LYZL4: variants seen among roughly 807,000 people sequenced by gnomAD.
LYZL4 encodes the protein lysozyme like 4, also known as lysozyme-like protein 4.
Under a neutral mutation model 17.6 loss-of-function variants are expected in LYZL4, and 13 were observed. That is an observed-to-expected ratio of 0.74 (90% CI 0.48 to 1.18). The LOEUF is 1.18. LYZL4 is among the 50% of genes most tolerant of loss of function. LYZL4 has a pLI of 0.00. For missense variants in LYZL4, 174 were observed against 188.2 expected (o/e 0.92, Z 0.44); for synonymous variants, 64 against 67.7 (o/e 0.95, Z 0.27).
chr3:42,370,718 C>T, the LYZL4 span, among the ~76,000 whole-genome samples: 39 of 152,326 alleles, frequency 2.6e-4, no homozygotes, highest in East Asian at 2.3e-3. Flanking sequence ...ACTTAGTCAG[C>T]TTTTCTTTCA....
At chr3:42,400,029 C>CAAA (rs1236058964) in intron 4 of LYZL4, among the ~76,000 whole-genome samples, 2 of 150,370 alleles carry the variant, frequency 1.3e-5, no homozygotes, top group South Asian at 4.3e-4. Context: ...ACACAGAAAA[C>CAAA]AAAACAAAAC....
the LYZL4 span, among the ~76,000 whole-genome samples, chr3:42,361,220 A>G: frequency 6.6e-6 from 1 of 152,156 alleles, no homozygotes; most frequent in Non-Finnish European, 1.5e-5. Flanking sequence ...ATATGGTAAC[A>G]TACGATATAC....
chr3:42,368,328 T>C, the LYZL4 span, among the ~76,000 whole-genome samples: 1 of 152,214 alleles, frequency 6.6e-6, no homozygotes, highest in African/African-American at 2.4e-5. Context: ...GGTTTTTATT[T>C]GGTGGGGCGA....
chr3:42,396,482 G>A (rs1419501043), downstream of LYZL4, among the ~76,000 whole-genome samples: 1 of 152,188 alleles, frequency 6.6e-6, no homozygotes, highest in East Asian at 1.9e-4. Context: ...CAGATGTAGG[G>A]GAAAAGTGTC....
intron 4 of LYZL4, among the ~76,000 whole-genome samples, chr3:42,402,585 A>G (rs1261321386): frequency 6.6e-6 from 1 of 152,214 alleles, no homozygotes; most frequent in Admixed American, 6.5e-5. Context: ...ATGCAATACC[A>G]CAACACAGTC....
chr3:42,374,996 A>T, the LYZL4 span, among the ~76,000 whole-genome samples: 1 of 152,060 alleles, frequency 6.6e-6, no homozygotes, highest in African/African-American at 2.4e-5. Context: ...TTTTTAGTGG[A>T]GACCAGGTTT....
downstream of LYZL4, among the ~76,000 whole-genome samples, chr3:42,394,292 C>G (rs918478111): frequency 2.0e-5 from 3 of 152,122 alleles, no homozygotes; most frequent in African/African-American, 7.2e-5. Context: ...AACTAGAGAC[C>G]CAATTTTCCA....
intron 1 of LYZL4, 53 bp from the exon 2 acceptor site, chr3:42,407,396 T>C (rs1236520747): frequency 2.9e-6 from 3 of 1,035,804 alleles, no homozygotes; most frequent in Non-Finnish European, 4.2e-6. Context: ...AATGGGAGTC[T>C]CACCTGGTAA....
chr3:42,378,209 C>G, the LYZL4 span, among the ~76,000 whole-genome samples: 1 of 152,260 alleles, frequency 6.6e-6, no homozygotes, highest in South Asian at 2.1e-4. Flanking sequence ...TTCCCATCTC[C>G]CCTAGTTTCT....
the LYZL4 span, among the ~76,000 whole-genome samples, chr3:42,378,047 T>G: frequency 5.3e-5 from 8 of 152,184 alleles, no homozygotes; most frequent in Non-Finnish European, 1.0e-4. Context: ...GGTATGTTTT[T>G]TGTAGACAAA....
chr3:42,361,900 C>T, the LYZL4 span, among the ~76,000 whole-genome samples: 2 of 152,142 alleles, frequency 1.3e-5, no homozygotes, highest in Non-Finnish European at 2.9e-5. Flanking sequence ...AAATGATGAA[C>T]CTATACTGAC....
intron 4 of LYZL4, among the ~76,000 whole-genome samples, chr3:42,402,319 C>CTT (rs71616046): frequency 7.2e-6 from 1 of 138,292 alleles, no homozygotes; most frequent in Non-Finnish European, 1.5e-5. Context: ...TCTTTTCTTT[C>CTT]TTTTTTTTTT....
At chr3:42,386,395 G>GCCCCCCCCACCCCCCCCCCC in the LYZL4 span, among the ~76,000 whole-genome samples, 1 of 107,462 alleles carries the variant, frequency 9.3e-6, no homozygotes, top group Non-Finnish European at 1.9e-5. Context: ...GAGCCACCAC[G>GCCCCCCCCACCCCCCCCCCC]CCCCCCCCCC....
chr3:42,372,589 G>A, the LYZL4 span, among the ~76,000 whole-genome samples: 2 of 152,192 alleles, frequency 1.3e-5, no homozygotes, highest in African/African-American at 4.8e-5. Context: ...AGTCAGGGTG[G>A]AGCATGCCTC....
chr3:42,397,445 A>G, intron 4 of LYZL4, 111 bp from the exon 5 acceptor site: 1 of 704,028 alleles, frequency 1.4e-6, no homozygotes. Flanking sequence ...GGAGCCTTTG[A>G]GTTTTCCACC....
chr3:42,384,119 T>G, the LYZL4 span, among the ~76,000 whole-genome samples: 1 of 152,108 alleles, frequency 6.6e-6, no homozygotes, highest in South Asian at 2.1e-4. Flanking sequence ...TACAAAGAAC[T>G]AGAATCAAAA....
chr3:42,409,887 T>C (rs1323815383), intron 1 of LYZL4, among the ~76,000 whole-genome samples: 1 of 152,202 alleles, frequency 6.6e-6, no homozygotes, highest in African/African-American at 2.4e-5. Flanking sequence ...TACATCACTC[T>C]CTCCTTTGTT....
the LYZL4 span, among the ~76,000 whole-genome samples, chr3:42,377,852 A>G: frequency 6.6e-6 from 1 of 152,216 alleles, no homozygotes; most frequent in Non-Finnish European, 1.5e-5. Context: ...GGCTGGAGAA[A>G]GGCAGGAGCC....
intron 3 of LYZL4, among the ~76,000 whole-genome samples, chr3:42,405,277 T>C (rs1209903702): frequency 1.3e-5 from 2 of 152,234 alleles, no homozygotes; most frequent in East Asian, 1.9e-4. Flanking sequence ...CCCGATCTCC[T>C]GACCTCGTGA....
Sources: gnomAD v4.1 joint callset for allele counts (sites outside exome capture counted in the v4.1 genomes callset) on GRCh38, gnomAD v4.1.1 for gene constraint, MANE v1.5 for transcripts, NCBI Gene and HGNC (gene_info 2026-07-23, HGNC 2026-07-21) for gene names.